KIAA1586: variants seen among roughly 807,000 people sequenced by gnomAD.
The protein encoded by KIAA1586 is E3 SUMO-protein ligase KIAA1586.
A neutral mutation model predicts 6.1 loss-of-function variants in KIAA1586; 5 were observed. The observed-to-expected ratio is 0.82, with a 90% CI of 0.43 to 1.73. The LOEUF is 1.73. Ranked by LOEUF, KIAA1586 falls within the 40% of genes most tolerant of loss-of-function variation. The pLI, the probability that KIAA1586 is intolerant of heterozygous loss-of-function variation, is 0.02. For synonymous variants in KIAA1586, 280 were observed against 301.7 expected (o/e 0.93, Z 0.75); for missense variants, 899 against 878.2 (o/e 1.02, Z -0.30).
At chr6:57,065,227 A>T in the KIAA1586 span, among the ~76,000 whole-genome samples, 1 of 151,748 alleles carries the variant, frequency 6.6e-6, no homozygotes, top group Non-Finnish European at 1.5e-5. Context: ...AAATGGGGCA[A>T]TTTTTTTTAA....
the KIAA1586 span, among the ~76,000 whole-genome samples, chr6:57,064,785 C>G: frequency 6.6e-6 from 1 of 152,158 alleles, no homozygotes; most frequent in Non-Finnish European, 1.5e-5. Flanking sequence ...GTGTATATCC[C>G]TGTTCTCTCT....
chr6:57,053,486 C>T lies in KIAA1586; in HGVS notation c.987C>T (p.Thr329=). The T allele has an allele frequency of 6.2e-7, 1 of 1,613,252 alleles. No homozygotes were observed. Among genetic ancestry groups the T allele is most frequent in the Non-Finnish European group, 8.5e-7 (1 of 1,179,662 alleles). ...DEASTVSKKT[T]LVIYLQCTIQ... ...CATCTACAGTTTCAAAGAAAACCAC[C>T]CTAGTGATTTATCTCCAGTGCACAA... The change falls in exon 4 of 4, where the codon ACC becomes ACT. Residue 329 remains threonine, a synonymous_variant. Coordinates refer to ENST00000370733, the MANE Select transcript of KIAA1586 (RefSeq NM_020931.4).
rs1469953262 is a variant in KIAA1586 at position 57,052,709 on chromosome 6, A to G, written c.210A>G (p.Lys70=). 1 of 1,566,340 alleles carries G rather than the reference A, an allele frequency of 6.4e-7. No individual in the cohort carries two copies. The highest frequency in any genetic ancestry group is 1.4e-5 in the African/African-American group (1 of 72,720). The part of the protein sequence containing the change: ...YSDILFPKMP[K]RQGDFLHFLN... The stretch of plus-strand genomic sequence containing the variant: ...AGATTCTGTTTCCTAAAATGCCAAA[A>G]CGACAGGGTGATTTTTTGCATTTTT... Residue 70 remains lysine (K), a synonymous_variant, in exon 4 of 4, where the codon AAA becomes AAG. Transcript: ENST00000370733.
At chr6:57,064,204 T>A in the KIAA1586 span, among the ~76,000 whole-genome samples, 4 of 152,150 alleles carry the variant, frequency 2.6e-5, no homozygotes, top group African/African-American at 9.7e-5. Flanking sequence ...AGTTGGTGTA[T>A]GAGAAAAATT....
At chr6:57,063,603 G>C in the KIAA1586 span, among the ~76,000 whole-genome samples, 1 of 151,506 alleles carries the variant, frequency 6.6e-6, no homozygotes, top group African/African-American at 2.4e-5. Context: ...ACAGGTGCAC[G>C]CCACCACAGT....
the KIAA1586 span, among the ~76,000 whole-genome samples, chr6:57,066,425 C>T: frequency 3.3e-5 from 5 of 151,940 alleles, no homozygotes; most frequent in Non-Finnish European, 5.9e-5. Flanking sequence ...TTTATTTAAC[C>T]TGTTCCCTGG....
Position 57,052,823 on chromosome 6 carries a change from C to T in KIAA1586, c.324C>T (p.Phe108=), listed in dbSNP as rs746332439. The change falls in exon 4 of 4, where the codon TTC becomes TTT. Residue 108 remains phenylalanine, a synonymous_variant. Coordinates refer to ENST00000370733, the MANE Select transcript of KIAA1586 (RefSeq NM_020931.4). ...TGTCTAAGGCAAAGGAACCACATTT[C>T]GAGTATATTGAACAACCAATCATTG... ...CRLSKAKEPH[F]EYIEQPIIEE... 123 of 1,613,382 alleles carry T rather than the reference C, an allele frequency of 7.6e-5. 5 individuals carry two copies. The South Asian group carries it at 1.1e-3, about 15-fold the overall frequency.
downstream of KIAA1586, among the ~76,000 whole-genome samples, chr6:57,057,951 C>T (rs62415862): frequency 0.07 from 10,696 of 152,032 alleles, 512 homozygotes; most frequent in East Asian, 0.095. Flanking sequence ...CATGCCACCA[C>T]AATCGGCTAG....
intron 2 of KIAA1586, among the ~76,000 whole-genome samples, chr6:57,048,725 G>C (rs1431116778): frequency 1.3e-5 from 2 of 152,162 alleles, no homozygotes; most frequent in African/African-American, 4.8e-5. Flanking sequence ...AGATGATCTT[G>C]ATGAGTTTTT....
At chr6:57,051,963 G>C (rs200177242) in intron 3 of KIAA1586, among the ~76,000 whole-genome samples, 2 of 152,256 alleles carry the variant, frequency 1.3e-5, no homozygotes, top group East Asian at 3.9e-4. Flanking sequence ...GACAGAGCGA[G>C]ACTCCGTCTC....
chr6:57,065,866 G>A, the KIAA1586 span, among the ~76,000 whole-genome samples: 2 of 152,168 alleles, frequency 1.3e-5, no homozygotes, highest in African/African-American at 2.4e-5. Flanking sequence ...GAATTCAGTT[G>A]TGGACTGAAT....
Position 57,052,817 on chromosome 6 carries a change from A to C in KIAA1586, c.318A>C (p.Pro106=). ...NHCRLSKAKE[P]HFEYIEQPII... is the part of the protein sequence containing the mutation. ...GCAGATTGTCTAAGGCAAAGGAACC[A>C]CATTTCGAGTATATTGAACAACCAA... The change falls in exon 4 of 4, where the codon CCA becomes CCC. Residue 106 remains proline, a synonymous_variant. Coordinates refer to ENST00000370733, the MANE Select transcript of KIAA1586 (RefSeq NM_020931.4). 6.2e-7 allele frequency: 1 copy of C among 1,613,786 alleles called. No homozygotes were observed. The highest frequency in any genetic ancestry group is 8.5e-7 in the Non-Finnish European group (1 of 1,179,806).
intron 3 of KIAA1586, among the ~76,000 whole-genome samples, 181 bp from the exon 4 acceptor site, chr6:57,052,505 C>CT (rs1210361730): frequency 6.6e-6 from 1 of 152,048 alleles, no homozygotes; most frequent in Non-Finnish European, 1.5e-5. Context: ...ATTTTAAAAA[C>CT]TAATAGTGGG....
chr6:57,052,569 G>A (rs969128247), intron 3 of KIAA1586, 117 bp from the exon 4 acceptor site: 14 of 719,612 alleles, frequency 1.9e-5, no homozygotes, highest in African/African-American at 1.4e-4. Context: ...CTGAAAATCA[G>A]GTTAAATATT....
rs573485451 is a variant in KIAA1586 at position 57,053,795 on chromosome 6, C to G, written c.1296C>G (p.Ser432=). ...AATTGTCACTTGATGATTCTATATC[C>G]GAAATAAAACAAATTAATCATTTAA... is the stretch of plus-strand genomic sequence containing the variant. The part of the protein sequence containing the change: ...RLQLSLDDSI[S]EIKQINHLKI... The change falls in exon 4 of 4, where the codon TCC becomes TCG. Residue 432 remains serine (S), a synonymous_variant. Coordinates refer to ENST00000370733, the MANE Select transcript of KIAA1586 (RefSeq NM_020931.4). 1 of 1,534,130 alleles carries G rather than the reference C, an allele frequency of 6.5e-7. No homozygotes were observed. Among genetic ancestry groups the G allele is most frequent in the Non-Finnish European group, 8.8e-7 (1 of 1,134,262 alleles).
chr6:57,063,216 T>C, the KIAA1586 span, among the ~76,000 whole-genome samples: 2 of 152,150 alleles, frequency 1.3e-5, no homozygotes, highest in Non-Finnish European at 2.9e-5. Context: ...TAAAGCAGAC[T>C]TGGGAAGTTG....
chr6:57,060,049 T>C (rs894295061), downstream of KIAA1586, among the ~76,000 whole-genome samples: 11 of 152,210 alleles, frequency 7.2e-5, no homozygotes, highest in Non-Finnish European at 1.5e-4. Context: ...ATACTAAGGA[T>C]TGACTATTCT....
chr6:57,054,818 A>G lies in KIAA1586; in HGVS notation c.2319A>G (p.Thr773=), dbSNP rs1355726216. ...ATACAAGAGTTCGGCAAAAGTCAAC[A>G]AAAGTCTTCCATGAGAATCAATTGG... ...ATDTRVRQKS[T]KVFHENQLAI... Residue 773 remains threonine, a synonymous_variant, in exon 4 of 4, where the codon ACA becomes ACG. Transcript: ENST00000370733. The G allele has an allele frequency of 6.4e-7, 1 of 1,551,082 alleles. No homozygotes were observed. The highest frequency in any genetic ancestry group is 1.2e-5 in the South Asian group (1 of 84,010).
Position 57,053,057 on chromosome 6 carries a change from A to T in KIAA1586, c.558A>T (p.Ala186=), listed in dbSNP as rs1295268072. The part of the protein sequence containing the change: ...KHVHVSKEWI[A]YLVTPNGSNK... ...TCCATGTGTCCAAGGAATGGATTGC[A>T]TATTTAGTAACCCCTAATGGCAGTA... is the stretch of plus-strand genomic sequence containing the variant. The change falls in exon 4 of 4, where the codon GCA becomes GCT. Residue 186 remains alanine, a synonymous_variant. Transcript: ENST00000370733. 6.2e-7 allele frequency: 1 copy of T among 1,613,414 alleles called. No homozygotes were observed. Among genetic ancestry groups the T allele is most frequent in the South Asian group, 1.1e-5 (1 of 91,002 alleles).
Sources: gnomAD v4.1 joint callset for allele counts (sites outside exome capture counted in the v4.1 genomes callset) on GRCh38, gnomAD v4.1.1 for gene constraint, MANE v1.5 for transcripts, NCBI Gene and HGNC (gene_info 2026-07-23, HGNC 2026-07-21) for gene names.